The following TOMM40 variants were observed in gnomAD, a reference collection of about 807,000 sequenced individuals.
TOMM40 encodes the protein translocase of outer mitochondrial membrane 40, also known as mitochondrial import receptor subunit TOM40 homolog.
TOMM40 carries 9 observed loss-of-function variants against 38.4 expected under a neutral mutation model. The observed-to-expected ratio is 0.23, with a 90% CI of 0.14 to 0.41. TOMM40 has a LOEUF of 0.41. TOMM40 is among the 10% of genes least tolerant of loss of function. The pLI is 1.00. For synonymous variants in TOMM40, 184 were observed against 210.0 expected, an observed-to-expected ratio of 0.88 and a Z score of 1.07; for missense variants, 299 against 486.5, an observed-to-expected ratio of 0.61 and a Z score of 3.63.
At chr19:44,891,799 C>A in intron 1 of TOMM40, 110 bp downstream of exon 1, 1 of 1,158,968 alleles carries the variant, frequency 8.6e-7, no homozygotes, top group Non-Finnish European at 1.1e-6. Context: ...TATTTAACAG[C>A]ACTAGGAGGT....
intron 5 of TOMM40, among the ~76,000 whole-genome samples, chr19:44,895,562 G>C (rs1407193114): frequency 6.6e-6 from 1 of 152,106 alleles, no homozygotes; most frequent in Non-Finnish European, 1.5e-5. Context: ...TTTTGAGACG[G>C]AGTCTTGCTC....
At position 44,891,587 on chromosome 19, in the gene TOMM40, C is replaced by T. The variant is rs775394719; in HGVS notation, c.172C>T (p.Pro58Ser). Residue 58 changes from proline (P) to serine (S), a missense_variant, in exon 1 of 9, where the codon CCC becomes TCC. By Grantham distance (74) the Pro-to-Ser change is moderately conservative. Coordinates refer to ENST00000426677, the MANE Select transcript of TOMM40 (RefSeq NM_001128917.2). ...TACGAGTCGAAGTTCGGAACGGACC[C>T]CCGGGGCTGCAACCGCCAGCGCCTC... ...TSTSRSSERT[P>S]GAATASASGA... 1.6e-5 allele frequency: 23 copies of T among 1,465,264 alleles called. No homozygotes were observed. The Admixed American group carries it at 3.8e-4, about 24-fold the overall frequency. 90.8% of individuals were successfully genotyped at this position (1,465,264 alleles called of 1,614,324 possible).
At chr19:44,893,755 C>A (rs1215482372) in intron 3 of TOMM40, 25 bp from the exon 4 acceptor site, 1 of 1,602,724 alleles carries the variant, frequency 6.2e-7, no homozygotes, top group African/African-American at 1.3e-5. Flanking sequence ...CACCTCTGAC[C>A]CCTTCCGTTC....
intron 5 of TOMM40, among the ~76,000 whole-genome samples, chr19:44,899,683 G>A (rs1203328784): frequency 6.6e-6 from 1 of 151,234 alleles, no homozygotes; most frequent in African/African-American, 2.4e-5. Context: ...TGTAGAGATG[G>A]GGTCTCACTA....
In TOMM40 at chr19:44,898,232, C is replaced by G. The variant is rs985314895; in HGVS notation, c.644-2498C>G. Among the ~76,000 whole-genome samples, 143 of 152,294 alleles carry G rather than the reference C, an allele frequency of 9.4e-4. 1 individual carries two copies. Among genetic ancestry groups the G allele is most frequent in the Admixed American group, 1.4e-3 (21 of 15,304 alleles). On this transcript the variant is annotated intron_variant, in intron 5 of 8. Transcript: ENST00000426677. The stretch of plus-strand genomic sequence containing the variant: ...CTCCAGAGAGCTGGCTCCAGGCTGG[C>G]TCCATGCTAGCAGGCCAGCCTGCTC...
intron 5 of TOMM40, among the ~76,000 whole-genome samples, chr19:44,898,607 A>G (rs1234781426): frequency 2.1e-5 from 3 of 142,256 alleles, no homozygotes; most frequent in Non-Finnish European, 3.0e-5. Context: ...TCACAATCTC[A>G]GCTTACTGCA....
Position 44,891,298 on chromosome 19 carries a change from A to G in TOMM40, c.-118A>G. ...GGGTGGGAGCGGAGCCCAGGCCGGG[A>G]GCAGGCGCCGCCGCCAGTGAGAACC... On this transcript the variant is annotated 5_prime_UTR_variant, in exon 1 of 9. Coordinates refer to ENST00000426677, the MANE Select transcript of TOMM40 (RefSeq NM_001128917.2). The G allele has an allele frequency of 1.7e-6, 2 of 1,193,416 alleles. No homozygotes were observed. The highest frequency in any genetic ancestry group is 8.9e-5 in the Admixed American group (2 of 22,578). The allele number at this position is 1,193,416 out of a possible 1,614,324, so 73.9% of individuals were successfully genotyped here. A position where few individuals can be genotyped will look rare whatever the true frequency, so the allele number is the denominator to read the frequency against.
rs139399286 is a variant in TOMM40, at chr19:44,896,099, G to A, written c.643+2033G>A. Among the ~76,000 whole-genome samples the A allele has an allele frequency of 7.0e-3, 1,071 of 152,300 alleles. 6 individuals carry two copies. Among genetic ancestry groups the A allele is most frequent in the South Asian group, 0.018 (86 of 4,824 alleles). ...TGCTCTTCACGGCGCCAGCAACCCC[G>A]TTCCCTGTGCCGCCTCGCTCGCCTG... On this transcript the variant is annotated intron_variant, in intron 5 of 8. Transcript: ENST00000426677.
chr19:44,892,691 C>T (rs753550792), intron 2 of TOMM40, 146 bp from the exon 3 acceptor site: 7 of 781,364 alleles, frequency 9.0e-6, no homozygotes, highest in African/African-American at 1.7e-5. Context: ...GTGGGCCTAC[C>T]GGCAGCACCT....
intron 2 of TOMM40, 108 bp from the exon 3 acceptor site, chr19:44,892,729 G>T: frequency 1.1e-6 from 1 of 934,022 alleles, no homozygotes; most frequent in Non-Finnish European, 1.7e-6. Flanking sequence ...TAGTCAGGCC[G>T]TGCCTCCCAG....
At chr19:44,893,026 C>A in intron 3 of TOMM40, 97 bp downstream of exon 3, 1 of 966,308 alleles carries the variant, frequency 1.0e-6, no homozygotes, top group Non-Finnish European at 1.6e-6. Flanking sequence ...AAGGTCACAG[C>A]TACCGAGAGC....
In TOMM40 at chr19:44,892,410, A is replaced by G. The variant is rs751178330; in HGVS notation, c.292A>G (p.Met98Val). The change falls in exon 2 of 9, where the codon ATG becomes GTG. Residue 98 changes from methionine to valine, a missense_variant. Coordinates refer to ENST00000426677, the MANE Select transcript of TOMM40 (RefSeq NM_001128917.2). ...TTCTCCAGAGCTGTTTCCCATTCAG[A>G]TGGAGGGTGTCAAGCTCACAGTCAA... ...RKCKELFPIQ[M>V]EGVKLTVNKG... 1.9e-6 allele frequency: 3 copies of G among 1,613,602 alleles called. No homozygotes were observed. Among genetic ancestry groups the G allele is most frequent in the Non-Finnish European group, 2.5e-6 (3 of 1,180,014 alleles).
At position 44,892,466 on chromosome 19, in the gene TOMM40, C is replaced by T. The variant is rs776331624; in HGVS notation, c.342+6C>T. The T allele has an allele frequency of 1.2e-6, 2 of 1,612,118 alleles. No individual in the cohort carries two copies. Among genetic ancestry groups the T allele is most frequent in the South Asian group, 2.2e-5 (2 of 90,998 alleles). On this transcript the variant is annotated splice_donor_region_variant and intron_variant, in intron 2 of 8. Transcript: ENST00000426677. ...GGTTGAGTAACCATTTTCAGGTGAG[C>T]CTTCCTGGTGTCCTTACCCACCAGA...
intron 8 of TOMM40, chr19:44,902,345 G>C (rs1969699272): frequency 6.6e-6 from 1 of 152,256 alleles, no homozygotes; most frequent in Non-Finnish European, 1.5e-5. Flanking sequence ...TAGGACCACA[G>C]GTGTATGCCA....
At chr19:44,898,350 T>C (rs1018407017) in intron 5 of TOMM40, among the ~76,000 whole-genome samples, 1 of 152,044 alleles carries the variant, frequency 6.6e-6, no homozygotes, top group African/African-American at 2.4e-5. Flanking sequence ...AGCTTCTCTG[T>C]GTGCCCTCAG....
chr19:44,892,249 A>G, intron 1 of TOMM40, 144 bp from the exon 2 acceptor site: 1 of 822,698 alleles, frequency 1.2e-6, no homozygotes. Context: ...CTGTCTAACT[A>G]GGCTGTACTG....
intron 5 of TOMM40, among the ~76,000 whole-genome samples, chr19:44,896,339 C>G (rs981395879): frequency 6.6e-6 from 1 of 152,176 alleles, no homozygotes; most frequent in African/African-American, 2.4e-5. Context: ...CTGTGACCTC[C>G]GGCAAGTGGT....
At chr19:44,892,814 C>G in intron 2 of TOMM40, 23 bp from the exon 3 acceptor site, 1 of 1,591,336 alleles carries the variant, frequency 6.3e-7, no homozygotes, top group Non-Finnish European at 8.6e-7. Context: ...CCAGTATCGT[C>G]ACAGCTCTCG....
chr19:44,892,203 G>A (rs1250188974), intron 1 of TOMM40, among the ~76,000 whole-genome samples, 190 bp from the exon 2 acceptor site: 1 of 152,216 alleles, frequency 6.6e-6, no homozygotes, highest in Non-Finnish European at 1.5e-5. Context: ...GCTCAGCTTG[G>A]TGGCAGTGAG....
Sources: allele counts gnomAD v4.1 joint callset (sites outside exome capture counted in the v4.1 genomes callset), GRCh38; gene constraint gnomAD v4.1.1; transcripts MANE v1.5; gene names NCBI Gene and HGNC (gene_info 2026-07-23, HGNC 2026-07-21).